Variants in DOCK3 observed in about 807,000 individuals in gnomAD.
DOCK3 encodes the protein dedicator of cytokinesis 3.
Under a neutral mutation model 265.6 loss-of-function variants are expected in DOCK3, and 60 were observed. The observed-to-expected ratio is 0.23, with a 90% CI of 0.18 to 0.28. The LOEUF (loss-of-function observed/expected upper bound fraction) is 0.28, where lower values mean the gene tolerates loss of function less well. Ranked by LOEUF, DOCK3 falls within the 10% of genes least tolerant of loss-of-function variation. DOCK3 has a pLI of 1.00. For synonymous variants in DOCK3, 881 were observed against 938.0 expected (o/e 0.94, Z 1.11); for missense variants, 1,981 against 2,594.3 (o/e 0.76, Z 5.14).
At chr3:51,009,217 A>G (rs2078827510) in intron 5 of DOCK3, among the ~76,000 whole-genome samples, 1 of 152,080 alleles carries the variant, frequency 6.6e-6, no homozygotes, top group Admixed American at 6.6e-5. Flanking sequence ...TGTACCTCTC[A>G]TAGAATTCGG....
At chr3:50,686,073 A>G (rs964975196) in intron 1 of DOCK3, among the ~76,000 whole-genome samples, 2 of 151,986 alleles carry the variant, frequency 1.3e-5, no homozygotes, top group Non-Finnish European at 2.9e-5. Context: ...CTTTATTTCT[A>G]TTTTTATTAC....
Position 51,074,573 on chromosome 3 carries a change from C to G in DOCK3, c.465-783C>G, listed in dbSNP as rs144920064. On this transcript the variant is annotated intron_variant, in intron 6 of 52. Coordinates refer to ENST00000266037, the MANE Select transcript of DOCK3 (RefSeq NM_004947.5). ...TACATATCTAGGTCTTTACCAGTAT[C>G]AGTATTAGTTAAATTGAAAATGAGA... 5.3e-5 allele frequency among the ~76,000 whole-genome samples: 8 copies of G among 152,152 alleles called. No homozygotes were observed. In the East Asian group the frequency reaches 1.5e-3, roughly 29 times the overall value.
At chr3:51,175,643 A>C (rs1479532290) in intron 12 of DOCK3, among the ~76,000 whole-genome samples, 1 of 152,138 alleles carries the variant, frequency 6.6e-6, no homozygotes, top group Non-Finnish European at 1.5e-5. Flanking sequence ...CCTGCACTGC[A>C]GTTGGGAGGG....
At chr3:51,185,161 A>C (rs1275739216) in intron 12 of DOCK3, among the ~76,000 whole-genome samples, 2 of 152,200 alleles carry the variant, frequency 1.3e-5, no homozygotes, top group African/African-American at 4.8e-5. Context: ...TACTAGGTTA[A>C]AACTAAGAAA....
intron 9 of DOCK3, among the ~76,000 whole-genome samples, chr3:51,137,517 A>ATGGGT (rs2084860754): frequency 6.6e-6 from 1 of 152,182 alleles, no homozygotes; most frequent in Non-Finnish European, 1.5e-5. Flanking sequence ...CTGATACCTC[A>ATGGGT]TTGGCAGTCA....
At chr3:50,756,027 C>A (rs2108346494) in intron 1 of DOCK3, among the ~76,000 whole-genome samples, 1 of 152,272 alleles carries the variant, frequency 6.6e-6, no homozygotes, top group East Asian at 1.9e-4. Flanking sequence ...CAAGTGAGAT[C>A]CAAATGCCCC....
At chr3:50,846,760 C>T (rs1217901720) in intron 3 of DOCK3, among the ~76,000 whole-genome samples, 1 of 152,134 alleles carries the variant, frequency 6.6e-6, no homozygotes, top group Non-Finnish European at 1.5e-5. Flanking sequence ...AGGAATTTAT[C>T]CATTTCCTCT....
intron 1 of DOCK3, among the ~76,000 whole-genome samples, chr3:50,724,310 G>T (rs943231002): frequency 1.3e-5 from 2 of 151,924 alleles, no homozygotes; most frequent in African/African-American, 4.8e-5. Context: ...ATCTAGAATA[G>T]AAATACCATT....
At chr3:51,348,708 T>C (rs2085760762) in intron 38 of DOCK3, 144 bp from the exon 39 acceptor site, 1 of 739,442 alleles carries the variant, frequency 1.4e-6, no homozygotes, top group Non-Finnish European at 2.3e-6. Context: ...GCCCCCCAAA[T>C]TGGTCTTGAG....
intron 12 of DOCK3, among the ~76,000 whole-genome samples, chr3:51,174,655 A>G (rs986945210): frequency 2.0e-5 from 3 of 152,096 alleles, no homozygotes; most frequent in African/African-American, 7.2e-5. Context: ...TTGGAGCTTC[A>G]TCGGTTGCTT....
rs1398452529 is a variant in DOCK3 at position 51,242,589 on chromosome 3, C to T, written c.2103-4137C>T. Among the ~76,000 whole-genome samples the T allele has an allele frequency of 2.0e-5, 3 of 151,984 alleles. No homozygotes were observed. In the East Asian group the frequency reaches 5.8e-4, roughly 30 times the overall value. On this transcript the variant is annotated intron_variant, in intron 21 of 52. Transcript: ENST00000266037. ...AGTCACGGTAGAGATGGTGATGGCT[C>T]AGGGTTGGGACACTGAAGGTCTGGG...
In DOCK3 at chr3:51,064,586, T is replaced by C; in HGVS notation, c.454T>C (p.Trp152Arg). ...GCGGCACATCACCGTGCGCCTGGAC[T>C]GGGGTAATGAGTAAGTATGAAAATT... ...VKRHITVRLD[W>R]GNEHLGLDLV... Residue 152 changes from tryptophan to arginine, a missense_variant, in exon 6 of 53, where the codon TGG becomes CGG. Physicochemically the swap from Trp to Arg is moderately radical, Grantham distance 101. Coordinates refer to ENST00000266037, the MANE Select transcript of DOCK3 (RefSeq NM_004947.5). The C allele has an allele frequency of 6.2e-7, 1 of 1,613,682 alleles. No individual in the cohort carries two copies. Among genetic ancestry groups the C allele is most frequent in the Non-Finnish European group, 8.5e-7 (1 of 1,179,714 alleles).
In DOCK3 at chr3:51,356,579, AAG is replaced by A. The variant is rs1439371083; in HGVS notation, c.4503+91_4503+92del. The A allele has an allele frequency of 7.8e-6, 11 of 1,410,464 alleles. No homozygotes were observed. The African/African-American group carries it at 1.6e-4, about 20-fold the overall frequency. The allele number at this position is 1,410,464 out of a possible 1,614,324, so 87.4% of individuals were successfully genotyped here. On this transcript the variant is annotated intron_variant, in intron 43 of 52. Coordinates refer to ENST00000266037, the MANE Select transcript of DOCK3 (RefSeq NM_004947.5). ...GGCCCTTCTCTAAGGACTAAAGAAA[AAG>A]AGAGCGTCGGCCACCTGCCTGGCCA...
chr3:50,962,378 T>C (rs1241285357), intron 5 of DOCK3, among the ~76,000 whole-genome samples: 1 of 152,246 alleles, frequency 6.6e-6, no homozygotes, highest in Admixed American at 6.5e-5. Flanking sequence ...TTTGGTATTA[T>C]AGTAATGCTT....
At chr3:51,059,009 T>C (rs1244352392) in intron 5 of DOCK3, among the ~76,000 whole-genome samples, 2 of 152,134 alleles carry the variant, frequency 1.3e-5, no homozygotes. Context: ...ACATTTGAGA[T>C]GTGAATAATC....
At chr3:51,201,418 G>C (rs1166745281) in intron 12 of DOCK3, among the ~76,000 whole-genome samples, 1 of 151,974 alleles carries the variant, frequency 6.6e-6, no homozygotes, top group Non-Finnish European at 1.5e-5. Flanking sequence ...AAGATCAAAA[G>C]AGACAAGGCC....
chr3:51,275,355 C>T (rs1342232211), intron 25 of DOCK3, 149 bp downstream of exon 25: 1 of 1,223,448 alleles, frequency 8.2e-7, no homozygotes. Context: ...GTGAATGGAG[C>T]CCTGTGTGTT....
intron 5 of DOCK3, among the ~76,000 whole-genome samples, chr3:51,060,621 G>C (rs918991299): frequency 2.0e-5 from 3 of 152,144 alleles, no homozygotes; most frequent in Non-Finnish European, 4.4e-5. Context: ...TTGCTAGCCA[G>C]TTTTCCCAGC....
intron 12 of DOCK3, among the ~76,000 whole-genome samples, chr3:51,170,708 G>A (rs1461245124): frequency 1.3e-5 from 2 of 152,124 alleles, no homozygotes; most frequent in Non-Finnish European, 2.9e-5. Flanking sequence ...GCTTTGGGAG[G>A]CGAAGGCGGG....
Sources: allele counts gnomAD v4.1 joint callset (sites outside exome capture counted in the v4.1 genomes callset), GRCh38; gene constraint gnomAD v4.1.1; transcripts MANE v1.5; gene names NCBI Gene and HGNC (gene_info 2026-07-23, HGNC 2026-07-21).